Variants in LSAMP observed in about 807,000 individuals in gnomAD.
The protein encoded by LSAMP is limbic system-associated membrane protein.
LSAMP carries 7 observed loss-of-function variants against 38.6 expected under a neutral mutation model. That is an observed-to-expected ratio of 0.18 (90% CI 0.10 to 0.34). The LOEUF is 0.34. LSAMP is among the 10% of genes least tolerant of loss of function. The pLI, the probability that LSAMP is intolerant of heterozygous loss-of-function variation, is 1.00. For missense variants in LSAMP, 313 were observed against 420.0 expected, an observed-to-expected ratio of 0.75 and a Z score of 2.23; for synonymous variants, 154 against 166.8, an observed-to-expected ratio of 0.92 and a Z score of 0.59.
chr3:115,831,756 C>A (rs938522), intron 6 of LSAMP, among the ~76,000 whole-genome samples: 22,602 of 152,002 alleles, frequency 0.15, 1,964 homozygotes, highest in Admixed American at 0.28. Context: ...AATAAATAAA[C>A]CTAAATTAAA....
chr3:115,812,675 CAAAAATT>C (rs1238951098), intron 6 of LSAMP, among the ~76,000 whole-genome samples: 1 of 152,126 alleles, frequency 6.6e-6, no homozygotes, highest in African/African-American at 2.4e-5. Context: ...AAAAACTACA[CAAAAATT>C]AAAGCCATAG....
chr3:116,412,945 C>T (rs2048999193), intron 1 of LSAMP, among the ~76,000 whole-genome samples: 1 of 152,024 alleles, frequency 6.6e-6, no homozygotes, highest in African/African-American at 2.4e-5. Flanking sequence ...TAAATCACTG[C>T]TGTAGCCAGA....
intron 1 of LSAMP, among the ~76,000 whole-genome samples, chr3:116,166,636 C>G (rs923229774): frequency 2.6e-5 from 4 of 151,742 alleles, no homozygotes; most frequent in African/African-American, 9.7e-5. Context: ...TGCATTGGAC[C>G]ATAGGCTTCA....
chr3:115,834,851 C>A (rs1345462574), intron 6 of LSAMP, among the ~76,000 whole-genome samples: 1 of 151,936 alleles, frequency 6.6e-6, no homozygotes, highest in Non-Finnish European at 1.5e-5. Context: ...TGTGATAACC[C>A]TACATACAGA....
At chr3:116,428,669 C>A (rs1399481002) in intron 1 of LSAMP, among the ~76,000 whole-genome samples, 4 of 152,110 alleles carry the variant, frequency 2.6e-5, no homozygotes, top group East Asian at 3.9e-4. Flanking sequence ...TCCCCAGGAA[C>A]CTATGGCTTG....
chr3:116,217,186 G>A (rs966449562), intron 1 of LSAMP, among the ~76,000 whole-genome samples: 12 of 152,140 alleles, frequency 7.9e-5, no homozygotes, highest in African/African-American at 2.9e-4. Flanking sequence ...GTAAATTCAT[G>A]CAGGTAATTG....
At chr3:116,296,527 C>CA (rs1411665769) in intron 1 of LSAMP, among the ~76,000 whole-genome samples, 8 of 151,626 alleles carry the variant, frequency 5.3e-5, no homozygotes, top group African/African-American at 1.9e-4. Flanking sequence ...TAAAAAAATA[C>CA]AAAAAATTAG....
chr3:116,147,315 T>C lies in LSAMP; in HGVS notation c.156-60759A>G, dbSNP rs56301204. Among the ~76,000 whole-genome samples, 432 of 152,014 alleles carry C rather than the reference T, an allele frequency of 2.8e-3. 1 individual carries two copies. The highest frequency in any genetic ancestry group is 9.9e-3 in the African/African-American group (411 of 41,540). On this transcript the variant is annotated intron_variant, in intron 1 of 6. Transcript: ENST00000490035. ...TACAATCCATTGACAGAAACATTGA[T>C]CCTTATAACATGCCTTAAGAAATTT... is the stretch of plus-strand genomic sequence containing the variant.
At chr3:115,930,930 A>G (rs185027721) in intron 3 of LSAMP, among the ~76,000 whole-genome samples, 115 of 152,354 alleles carry the variant, frequency 7.5e-4, no homozygotes, top group Admixed American at 6.9e-3. Context: ...CACATTTTAT[A>G]AAAACAAGAT....
intron 1 of LSAMP, among the ~76,000 whole-genome samples, chr3:116,125,612 T>C (rs868647334): frequency 2.0e-5 from 3 of 152,186 alleles, no homozygotes; most frequent in South Asian, 4.1e-4. Flanking sequence ...GCAGATTGCT[T>C]ATTTGCCTCC....
intron 1 of LSAMP, among the ~76,000 whole-genome samples, chr3:116,408,967 C>T (rs1269607810): frequency 3.3e-5 from 5 of 152,094 alleles, no homozygotes; most frequent in South Asian, 2.1e-4. Context: ...CTTGCTGTTG[C>T]GTCATTGTGC....
intron 3 of LSAMP, among the ~76,000 whole-genome samples, chr3:115,874,343 C>T (rs1377532382): frequency 6.6e-6 from 1 of 152,066 alleles, no homozygotes; most frequent in Non-Finnish European, 1.5e-5. Context: ...TCTTCCTAAG[C>T]CCTGCTTGAA....
chr3:115,824,236 C>T (rs1035455922), intron 6 of LSAMP, among the ~76,000 whole-genome samples: 3 of 152,174 alleles, frequency 2.0e-5, no homozygotes, highest in Non-Finnish European at 4.4e-5. Flanking sequence ...TTTGGATCAG[C>T]TGTCAGTAAG....
intron 1 of LSAMP, among the ~76,000 whole-genome samples, chr3:116,413,828 A>G (rs995916183): frequency 6.6e-6 from 1 of 151,526 alleles, no homozygotes; most frequent in Non-Finnish European, 1.5e-5. Flanking sequence ...TTCCTAGCAT[A>G]TTGGTGGTTC....
chr3:116,134,837 C>A (rs867914425), intron 1 of LSAMP, among the ~76,000 whole-genome samples: 1 of 152,166 alleles, frequency 6.6e-6, no homozygotes, highest in Middle Eastern at 3.4e-3. Flanking sequence ...CCAGTGTCTC[C>A]CTCTAGGAGG....
chr3:116,071,290 C>T (rs1354076508), intron 2 of LSAMP, among the ~76,000 whole-genome samples: 3 of 149,478 alleles, frequency 2.0e-5, no homozygotes, highest in Admixed American at 6.7e-5. Flanking sequence ...AACTTTCACT[C>T]TCTGAAAAGT....
In LSAMP at chr3:115,852,517, C is replaced by T. The variant is rs3821560; in HGVS notation, c.615G>A (p.Ser205=). ...TGACCTTGACTTGTTTGACATCCGCCGAGGAGACCTCGTTGGCAGCTTTGC... is the reference window on the plus strand; with the variant it reads ...TGACCTTGACTTGTTTGACATCCGCTGAGGAGACCTCGTTGGCAGCTTTGC... The part of the protein sequence containing the change: ...YECKAANEVS[S]ADVKQVKVTV... Residue 205 remains serine (S), a synonymous_variant, in exon 4 of 7, where the codon TCG becomes TCA. Coordinates refer to ENST00000490035, the MANE Select transcript of LSAMP (RefSeq NM_002338.5). 0.09 allele frequency: 145,022 copies of T among 1,613,150 alleles called. 9,254 individuals are homozygous for T. The highest frequency in any genetic ancestry group is 0.32 in the Admixed American group (19,051 of 59,890).
At chr3:115,993,589 A>G (rs1243472330) in intron 3 of LSAMP, among the ~76,000 whole-genome samples, 1 of 151,978 alleles carries the variant, frequency 6.6e-6, no homozygotes, top group African/African-American at 2.4e-5. Flanking sequence ...TATTTTTGTG[A>G]TATTTTCCTT....
intron 1 of LSAMP, among the ~76,000 whole-genome samples, chr3:116,150,316 A>G (rs1249710487): frequency 6.6e-6 from 1 of 152,056 alleles, no homozygotes; most frequent in Non-Finnish European, 1.5e-5. Flanking sequence ...TTCTTTATTC[A>G]TAAAATAGCT....
Sources: allele counts gnomAD v4.1 joint callset (sites outside exome capture counted in the v4.1 genomes callset), GRCh38; gene constraint gnomAD v4.1.1; transcripts MANE v1.5; gene names NCBI Gene and HGNC (gene_info 2026-07-23, HGNC 2026-07-21).